The following NUP155 variants were observed in gnomAD, a reference collection of about 807,000 sequenced individuals.
The protein encoded by NUP155 is nucleoporin 155.
NUP155 carries 71 observed loss-of-function variants against 180.4 expected under a neutral mutation model. That is an observed-to-expected ratio of 0.39 (90% CI 0.33 to 0.48). The LOEUF (loss-of-function observed/expected upper bound fraction) is 0.48, where lower values mean the gene tolerates loss of function less well. Ranked by LOEUF, NUP155 falls within the 20% of genes least tolerant of loss-of-function variation. NUP155 has a pLI of 0.91. For missense variants in NUP155, 1,553 were observed against 1,648.9 expected, an observed-to-expected ratio of 0.94 and a Z score of 1.01; for synonymous variants, 582 against 559.5, an observed-to-expected ratio of 1.04 and a Z score of -0.57.
intron 34 of NUP155, 107 bp downstream of exon 34, chr5:37,292,772 G>A (rs1742304712): frequency 2.7e-6 from 2 of 732,454 alleles, no homozygotes; most frequent in Admixed American, 2.1e-5. Flanking sequence ...AATAGTTATT[G>A]CTAATATACA....
rs1746276478 is a variant in NUP155, at chr5:37,348,850, G to A, written c.904-254C>T. Among the ~76,000 whole-genome samples the A allele has an allele frequency of 1.3e-5, 2 of 151,874 alleles. 1 individual carries two copies. The highest frequency in any genetic ancestry group is 4.2e-4 in the South Asian group (2 of 4,812). ...GGCTCACTGCAACCTCCGCCGCCCA[G>A]GTTCAAATGATTCTCCTGCCTCAGC... is the stretch of plus-strand genomic sequence containing the variant. On this transcript the variant is annotated intron_variant, in intron 8 of 34. Coordinates refer to ENST00000231498, the MANE Select transcript of NUP155 (RefSeq NM_153485.3).
chr5:37,298,881 G>C lies in NUP155; in HGVS notation c.3780C>G (p.Arg1260=). Residue 1260 remains arginine (R), a synonymous_variant, in exon 32 of 35, where the codon CGC becomes CGG. Coordinates refer to ENST00000231498, the MANE Select transcript of NUP155 (RefSeq NM_153485.3). ...ATCACAGCTTACCTAAAGGAAAGAA[G>C]CGTGGTGTGCCAGCATAAATTTTGC... The part of the protein sequence containing the change: ...LLGKIYAGTP[R]FFPLDFIVQF... 6.3e-7 allele frequency: 1 copy of C among 1,595,650 alleles called. No homozygotes were observed.
intron 3 of NUP155, among the ~76,000 whole-genome samples, chr5:37,362,756 A>G (rs949342921): frequency 1.4e-4 from 21 of 152,360 alleles, no homozygotes; most frequent in Non-Finnish European, 2.9e-4. Flanking sequence ...TTCAGGGTAC[A>G]TGAAAAATAA....
intron 27 of NUP155, 51 bp from the exon 28 acceptor site, chr5:37,303,465 T>C (rs2150943102): frequency 6.8e-7 from 1 of 1,460,478 alleles, no homozygotes. Context: ...CTACAGATAA[T>C]GTTCCTGATA....
chr5:37,366,844 GT>G (rs893224471), intron 1 of NUP155, among the ~76,000 whole-genome samples: 2 of 151,938 alleles, frequency 1.3e-5, no homozygotes, highest in African/African-American at 4.8e-5. Context: ...TAGAGACGGG[GT>G]GTCACCGTGT....
At chr5:37,337,979 T>C in intron 11 of NUP155, 61 bp from the exon 12 acceptor site, 3 of 1,040,092 alleles carry the variant, frequency 2.9e-6, no homozygotes, top group Non-Finnish European at 4.4e-6. Flanking sequence ...TCAATAACCT[T>C]AATAATTATT....
intron 5 of NUP155, 107 bp downstream of exon 5, chr5:37,352,630 T>C (rs1746540681): frequency 1.4e-6 from 1 of 739,714 alleles, no homozygotes; most frequent in South Asian, 1.5e-5. Flanking sequence ...TAATCATTAA[T>C]GTGAGTCAAT....
Position 37,307,319 on chromosome 5 carries a change from C to T in NUP155, c.2881G>A (p.Gly961Arg). ...KHGEPEEDIV[G>R]LQAFQERLNS... ...CACCTTTCTTGGAAGGCCTGAAGTC[C>T]AACTATGTCTTCTTCTGGTTCTCCA... The change falls in exon 25 of 35, where the codon GGA (glycine) becomes AGA (arginine). Residue 961 changes from glycine (G) to arginine (R), a missense_variant. Gly to Arg is a moderately radical substitution (Grantham distance 125, BLOSUM62 -2). Transcript: ENST00000231498. 6.2e-7 allele frequency: 1 copy of T among 1,613,968 alleles called. No individual in the cohort carries two copies. Among genetic ancestry groups the T allele is most frequent in the Non-Finnish European group, 8.5e-7 (1 of 1,179,976 alleles).
At chr5:37,363,833 TA>T in intron 3 of NUP155, 54 bp downstream of exon 3, 1 of 1,158,464 alleles carries the variant, frequency 8.6e-7, no homozygotes, top group Non-Finnish European at 1.3e-6. Flanking sequence ...CTAGCTACAG[TA>T]AAGTTTATAT....
At chr5:37,366,227 A>G (rs1411388385) in intron 1 of NUP155, among the ~76,000 whole-genome samples, 3 of 152,178 alleles carry the variant, frequency 2.0e-5, no homozygotes, top group Non-Finnish European at 2.9e-5. Flanking sequence ...CTGATGACCT[A>G]CTTATCTCAG....
chr5:37,301,121 C>T (rs759215360), intron 30 of NUP155: 1 of 326,232 alleles, frequency 3.1e-6, no homozygotes, highest in Admixed American at 4.4e-5. Flanking sequence ...CAGTGCCTGG[C>T]CTTTTTTGCT....
chr5:37,307,499 G>A, intron 24 of NUP155, 67 bp from the exon 25 acceptor site: 1 of 1,451,066 alleles, frequency 6.9e-7, no homozygotes, highest in Non-Finnish European at 9.7e-7. Context: ...TTCCTTAGCT[G>A]GCACATGAAA....
Position 37,343,425 on chromosome 5 carries a change from A to G in NUP155, c.996-779T>C, listed in dbSNP as rs1010484943. 2.0e-5 allele frequency among the ~76,000 whole-genome samples: 3 copies of G among 152,200 alleles called. No individual in the cohort carries two copies. The East Asian group carries it at 5.8e-4, about 29-fold the overall frequency. On this transcript the variant is annotated intron_variant, in intron 9 of 34. Transcript: ENST00000231498. ...TTTAAGACTAGCTTCTTAGGAAAGT[A>G]ATACAAGAGCAGCAAGAACTGGAAA...
intron 30 of NUP155, among the ~76,000 whole-genome samples, chr5:37,300,570 G>C (rs772238515): frequency 6.6e-6 from 1 of 152,208 alleles, no homozygotes; most frequent in Non-Finnish European, 1.5e-5. Context: ...ATTACAGAGA[G>C]AGAAAGAGGT....
At chr5:37,369,241 A>G (rs1324661711) in intron 1 of NUP155, among the ~76,000 whole-genome samples, 2 of 152,060 alleles carry the variant, frequency 1.3e-5, no homozygotes, top group Admixed American at 1.3e-4. Flanking sequence ...ACAGAACTAG[A>G]CCTTGACTCA....
chr5:37,356,229 CAAAA>C (rs35469429), intron 4 of NUP155, among the ~76,000 whole-genome samples: 1 of 91,482 alleles, frequency 1.1e-5, no homozygotes, highest in Non-Finnish European at 2.2e-5. Flanking sequence ...AATTCCATCT[CAAAA>C]AAAAAAAAAA....
intron 4 of NUP155, among the ~76,000 whole-genome samples, chr5:37,353,323 G>C (rs1275255168): frequency 6.6e-6 from 1 of 151,902 alleles, no homozygotes; most frequent in East Asian, 1.9e-4. Flanking sequence ...AGTTGGCCGG[G>C]CACGCCTGTA....
intron 1 of NUP155, among the ~76,000 whole-genome samples, chr5:37,365,865 T>G (rs1358042069): frequency 1.3e-5 from 2 of 150,908 alleles, no homozygotes; most frequent in Non-Finnish European, 2.9e-5. Flanking sequence ...TTTTCTATCA[T>G]TTTGCTAATC....
chr5:37,367,593 C>T (rs894536511), intron 1 of NUP155, among the ~76,000 whole-genome samples: 4 of 150,422 alleles, frequency 2.7e-5, no homozygotes, highest in South Asian at 2.1e-4. Flanking sequence ...AATGCAGTGG[C>T]GCGATCTCGG....
Sources: allele counts gnomAD v4.1 joint callset (sites outside exome capture counted in the v4.1 genomes callset), GRCh38; gene constraint gnomAD v4.1.1; transcripts MANE v1.5; gene names NCBI Gene and HGNC (gene_info 2026-07-23, HGNC 2026-07-21).